IFIH1: variants seen among roughly 807,000 people sequenced by gnomAD.
The protein encoded by IFIH1 is interferon induced with helicase C domain 1, also known as interferon-induced helicase C domain-containing protein 1.
In IFIH1, 125 loss-of-function variants were observed where a neutral mutation model predicts 107.4. The observed-to-expected ratio is 1.16, with a 90% CI of 1.01 to 1.35. The LOEUF is 1.35. IFIH1 is among the 40% of genes most tolerant of loss of function. The pLI, the probability that IFIH1 is intolerant of heterozygous loss-of-function variation, is 0.00. For synonymous variants in IFIH1, 458 were observed against 413.2 expected (o/e 1.11, Z -1.31); for missense variants, 1,333 against 1,213.7 (o/e 1.10, Z -1.46).
chr2:162,310,584 T>G (rs1294476746), intron 2 of IFIH1, 181 bp downstream of exon 2: 2 of 587,404 alleles, frequency 3.4e-6, no homozygotes, highest in Non-Finnish European at 6.0e-6. Context: ...AGTTGATATT[T>G]TCCCAGGCAT....
chr2:162,300,118 T>C (rs1683166848), intron 3 of IFIH1, among the ~76,000 whole-genome samples: 1 of 152,192 alleles, frequency 6.6e-6, no homozygotes, highest in African/African-American at 2.4e-5. Flanking sequence ...TGTGGAGGCA[T>C]GTCACTTGTT....
At chr2:162,307,809 A>T (rs996982205) in intron 2 of IFIH1, among the ~76,000 whole-genome samples, 1 of 152,212 alleles carries the variant, frequency 6.6e-6, no homozygotes, top group African/African-American at 2.4e-5. Flanking sequence ...TATTAAGTAC[A>T]TTAGGGACTA....
intron 3 of IFIH1, among the ~76,000 whole-genome samples, chr2:162,299,167 A>G (rs1201835789): frequency 6.6e-6 from 1 of 152,226 alleles, no homozygotes; most frequent in Non-Finnish European, 1.5e-5. Context: ...AAGGATAACA[A>G]CACACACCAG....
At chr2:162,272,434 C>G in intron 12 of IFIH1, 47 bp from the exon 13 acceptor site, 3 of 1,530,518 alleles carry the variant, frequency 2.0e-6, no homozygotes, top group Non-Finnish European at 2.7e-6. Context: ...CGTTGTGATA[C>G]AAATCCTCCT....
chr2:162,307,127 C>A, intron 2 of IFIH1: 1 of 283,970 alleles, frequency 3.5e-6, no homozygotes, highest in Non-Finnish European at 6.6e-6. Context: ...GTTGACATTT[C>A]GAAAGGCTTA....
chr2:162,309,458 G>A (rs907898098), intron 2 of IFIH1, among the ~76,000 whole-genome samples: 1 of 152,200 alleles, frequency 6.6e-6, no homozygotes. Context: ...TTTCCCTGAA[G>A]AATAGTACAC....
chr2:162,312,364 C>G (rs539672546), intron 1 of IFIH1, among the ~76,000 whole-genome samples: 26 of 152,176 alleles, frequency 1.7e-4, no homozygotes, highest in African/African-American at 6.3e-4. Flanking sequence ...ATTAACCCAG[C>G]AGCCCAGAAA....
At chr2:162,302,125 G>C (rs1397741262) in intron 3 of IFIH1, among the ~76,000 whole-genome samples, 1 of 152,094 alleles carries the variant, frequency 6.6e-6, no homozygotes, top group East Asian at 1.9e-4. Context: ...TAGTGCCAAA[G>C]GGATATGTGT....
In IFIH1 at chr2:162,268,255, C is replaced by A. The variant is rs771902342; in HGVS notation, c.2639G>T (p.Ser880Ile). 6 of 1,609,290 alleles carry A rather than the reference C, an allele frequency of 3.7e-6. No individual in the cohort carries two copies. In the South Asian group the frequency reaches 6.6e-5, roughly 18 times the overall value. ...GGTTTTCATTTTCTTTTCCATTATA[C>A]TTTGCATCTGTAATTCCAAAATCTG... ...AHKILELQMQ[S>I]IMEKKMKTKR... is the part of the protein sequence containing the mutation. The change falls in exon 14 of 16, where the codon AGT becomes ATT. Residue 880 changes from serine (S) to isoleucine (I), a missense_variant. By Grantham distance (142) the Ser-to-Ile change is moderately radical. Coordinates refer to ENST00000649979, the MANE Select transcript of IFIH1 (RefSeq NM_022168.4).
Position 162,310,840 on chromosome 2 carries a change from T to C in IFIH1, c.547A>G (p.Asn183Asp), listed in dbSNP as rs772713550. ...QKENWFSAFLNVLRQTGNNEL... is the reference protein window; with the variant it reads ...QKENWFSAFLDVLRQTGNNEL... ...TTGTTTCCTGTTTGACGAAGAACAT[T>C]CAGAAATGCAGAGAACCAGTTTTCT... The change falls in exon 2 of 16, where the codon AAT (asparagine) becomes GAT (aspartate). Residue 183 changes from asparagine to aspartate, a missense_variant. Transcript: ENST00000649979. The C allele has an allele frequency of 1.2e-6, 2 of 1,613,546 alleles. No individual in the cohort carries two copies. Among genetic ancestry groups the C allele is most frequent in the Non-Finnish European group, 8.5e-7 (1 of 1,179,556 alleles).
At chr2:162,309,767 T>A (rs958850300) in intron 2 of IFIH1, among the ~76,000 whole-genome samples, 7 of 152,158 alleles carry the variant, frequency 4.6e-5, no homozygotes, top group Non-Finnish European at 1.0e-4. Flanking sequence ...GCATAACAAC[T>A]CCTTCAATTA....
At chr2:162,296,468 G>A (rs568050664) in intron 3 of IFIH1, among the ~76,000 whole-genome samples, 2 of 152,224 alleles carry the variant, frequency 1.3e-5, no homozygotes, top group Non-Finnish European at 1.5e-5. Flanking sequence ...AAGGCGCTGA[G>A]AGGTTAACTG....
rs78842023 is a variant in IFIH1 at position 162,279,584 on chromosome 2, T to C, written c.1641+412A>G. ...TGCAAGTATGCAAATTAGATAGGAT[T>C]CCCATTATCATTGCCAAATGTAATT... On this transcript the variant is annotated intron_variant, in intron 8 of 15. Transcript: ENST00000649979. 9.0e-4 allele frequency among the ~76,000 whole-genome samples: 137 copies of C among 152,202 alleles called. 2 individuals carry two copies. The highest frequency in any genetic ancestry group is 2.9e-3 in the South Asian group (14 of 4,828).
chr2:162,310,828 G>A lies in IFIH1; in HGVS notation c.559C>T (p.Gln187Ter). The A allele has an allele frequency of 6.2e-7, 1 of 1,613,710 alleles. No individual in the cohort carries two copies. ...WFSAFLNVLR[Q>*]TGNNELVQEL... ...TGGACAAGTTCATTGTTTCCTGTTT[G>A]ACGAAGAACATTCAGAAATGCAGAG... The change falls in exon 2 of 16, where the codon CAA (glutamine) becomes TAA (stop). Residue 187 changes from glutamine (Q) to a stop codon, truncating the protein, a stop_gained. Coordinates refer to ENST00000649979, the MANE Select transcript of IFIH1 (RefSeq NM_022168.4). LOFTEE classifies it high-confidence loss of function.
At chr2:162,282,627 A>G in intron 5 of IFIH1, 51 bp from the exon 6 acceptor site, 1 of 1,265,120 alleles carries the variant, frequency 7.9e-7, no homozygotes, top group South Asian at 1.3e-5. Context: ...GTCGAAGCCA[A>G]AAGAGTGTTG....
chr2:162,272,181 C>T lies in IFIH1; in HGVS notation c.2616+45G>A, dbSNP rs182823664. 71 of 1,500,102 alleles carry T rather than the reference C, an allele frequency of 4.7e-5. 1 individual carries two copies. Among genetic ancestry groups the T allele is most frequent in the Middle Eastern group, 2.0e-4 (1 of 5,068 alleles). The allele number at this position is 1,500,102 out of a possible 1,614,324, so 92.9% of individuals were successfully genotyped here. A position where few individuals can be genotyped will look rare whatever the true frequency, so the allele number is the denominator to read the frequency against. ...AGAGATATCAATGGCAACCACATGCCGCCATTTTTAAATGAAAATCAAATT... is the reference window on the plus strand; with the variant it reads ...AGAGATATCAATGGCAACCACATGCTGCCATTTTTAAATGAAAATCAAATT... On this transcript the variant is annotated intron_variant, in intron 13 of 15. Coordinates refer to ENST00000649979, the MANE Select transcript of IFIH1 (RefSeq NM_022168.4).
intron 11 of IFIH1, among the ~76,000 whole-genome samples, chr2:162,276,096 C>T (rs1201285181): frequency 1.3e-5 from 2 of 152,042 alleles, no homozygotes; most frequent in African/African-American, 4.8e-5. Context: ...CTTATTTTTG[C>T]AAGGGAAACT....
chr2:162,286,694 A>T (rs936920859), intron 5 of IFIH1, among the ~76,000 whole-genome samples: 2 of 151,912 alleles, frequency 1.3e-5, no homozygotes, highest in East Asian at 1.9e-4. Flanking sequence ...TTTCAAAATT[A>T]TCAGTTTAAG....
rs1683205480 is a variant in IFIH1, at chr2:162,302,216, C to T, written c.769+4493G>A. Among the ~76,000 whole-genome samples, 7 of 152,056 alleles carry T rather than the reference C, an allele frequency of 4.6e-5. 1 individual carries two copies. In the South Asian group the frequency reaches 1.5e-3, roughly 32 times the overall value. ...CAGATGTGTTAAGGGGTAAAAGGTGCTAAAACACACACACACACATAATCT... is the reference window on the plus strand; with the variant it reads ...CAGATGTGTTAAGGGGTAAAAGGTGTTAAAACACACACACACACATAATCT... On this transcript the variant is annotated intron_variant, in intron 3 of 15. Coordinates refer to ENST00000649979, the MANE Select transcript of IFIH1 (RefSeq NM_022168.4).
Sources: allele counts gnomAD v4.1 joint callset (sites outside exome capture counted in the v4.1 genomes callset), GRCh38; gene constraint gnomAD v4.1.1; transcripts MANE v1.5; gene names NCBI Gene and HGNC (gene_info 2026-07-23, HGNC 2026-07-21).